The following LCLAT1 variants were observed in gnomAD, a reference collection of about 807,000 sequenced individuals.
LCLAT1 encodes 1-AGP acyltransferase 8.
A neutral mutation model predicts 30.7 loss-of-function variants in LCLAT1; 11 were observed. The ratio of observed to expected loss-of-function variants is 0.36; its 90% CI spans 0.23 to 0.59. The LOEUF (loss-of-function observed/expected upper bound fraction) is 0.59. Among genes scored for constraint, LCLAT1 ranks in the 20% least tolerant of loss-of-function variants. The probability of loss-of-function intolerance (pLI) is 0.77; values close to 1 mark genes in which losing one functional copy is unlikely to be tolerated. For missense variants in LCLAT1, 402 were observed against 458.6 expected (o/e 0.88, Z 1.13); for synonymous variants, 155 against 151.3 (o/e 1.02, Z -0.18).
In LCLAT1 at chr2:30,610,969, C is replaced by G. The variant is rs562203342; in HGVS notation, c.629-29148C>G. Among the ~76,000 whole-genome samples the G allele has an allele frequency of 2.6e-5, 4 of 151,500 alleles. No homozygotes were observed. The South Asian group carries it at 8.3e-4, about 32-fold the overall frequency. On this transcript the variant is annotated intron_variant, in intron 5 of 5. Transcript: ENST00000379509. The stretch of plus-strand genomic sequence containing the variant: ...TTAATGCTGGCTATGTAATAGATAC[C>G]AAACACTGAGTTTAATTTTGTTTTT...
At chr2:30,537,646 G>A (rs963444178) in intron 3 of LCLAT1, among the ~76,000 whole-genome samples, 1 of 151,988 alleles carries the variant, frequency 6.6e-6, no homozygotes, top group Admixed American at 6.6e-5. Flanking sequence ...GAGGACTTCA[G>A]CACCTCACTC....
intron 5 of LCLAT1, among the ~76,000 whole-genome samples, chr2:30,582,959 C>G (rs763074369): frequency 2.6e-5 from 4 of 152,196 alleles, no homozygotes; most frequent in Non-Finnish European, 4.4e-5. Context: ...AAAGGTCATC[C>G]TCTTTTATGA....
At chr2:30,462,394 C>A (rs1324545857) in intron 1 of LCLAT1, among the ~76,000 whole-genome samples, 2 of 152,152 alleles carry the variant, frequency 1.3e-5, no homozygotes, top group African/African-American at 4.8e-5. Context: ...TGATAAGATG[C>A]TTCTAGAGTT....
chr2:30,527,477 C>A (rs1685773395), intron 2 of LCLAT1, among the ~76,000 whole-genome samples: 1 of 152,154 alleles, frequency 6.6e-6, no homozygotes, highest in Non-Finnish European at 1.5e-5. Flanking sequence ...CTTGAGAGTT[C>A]TGAGAATTGG....
At chr2:30,520,695 G>C (rs917486028) in intron 1 of LCLAT1, among the ~76,000 whole-genome samples, 3 of 152,096 alleles carry the variant, frequency 2.0e-5, no homozygotes, top group Non-Finnish European at 4.4e-5. Flanking sequence ...TACATTTTAG[G>C]TGTTACTATA....
intron 1 of LCLAT1, among the ~76,000 whole-genome samples, chr2:30,517,661 CCTT>C (rs1192274808): frequency 6.6e-6 from 1 of 152,066 alleles, no homozygotes; most frequent in Non-Finnish European, 1.5e-5. Flanking sequence ...GAGCAAATGT[CCTT>C]CTGCTGTGTT....
intron 1 of LCLAT1, among the ~76,000 whole-genome samples, chr2:30,516,183 C>A (rs1685172642): frequency 6.6e-6 from 1 of 152,154 alleles, no homozygotes; most frequent in Non-Finnish European, 1.5e-5. Context: ...GGATATAAAC[C>A]TAGGTATTCG....
chr2:30,516,350 C>T (rs185830509), intron 1 of LCLAT1, among the ~76,000 whole-genome samples: 4 of 152,274 alleles, frequency 2.6e-5, no homozygotes, highest in African/African-American at 4.8e-5. Flanking sequence ...ACGTCGCCGT[C>T]GCAGACCCGC....
intron 3 of LCLAT1, among the ~76,000 whole-genome samples, chr2:30,543,101 A>T (rs1213441933): frequency 6.6e-6 from 1 of 151,842 alleles, no homozygotes; most frequent in Non-Finnish European, 1.5e-5. Context: ...CTAACTGTAG[A>T]TTTTTCACAG....
intron 5 of LCLAT1, among the ~76,000 whole-genome samples, chr2:30,604,931 C>T (rs1328806829): frequency 1.3e-5 from 2 of 152,194 alleles, no homozygotes; most frequent in Non-Finnish European, 2.9e-5. Context: ...AAAAAGGCTG[C>T]CTCAAGGCAT....
At chr2:30,598,941 C>A (rs565521793) in intron 5 of LCLAT1, among the ~76,000 whole-genome samples, 2 of 151,722 alleles carry the variant, frequency 1.3e-5, no homozygotes, top group Middle Eastern at 3.4e-3. Context: ...GTTCAATTTC[C>A]ATGTAGTTGT....
At chr2:30,450,669 A>G (rs973188558) in intron 1 of LCLAT1, among the ~76,000 whole-genome samples, 1 of 152,242 alleles carries the variant, frequency 6.6e-6, no homozygotes, top group Admixed American at 6.5e-5. Flanking sequence ...CATAACATGA[A>G]TGCAGTGCAA....
At chr2:30,583,539 A>T (rs1666296510) in intron 5 of LCLAT1, among the ~76,000 whole-genome samples, 1 of 152,194 alleles carries the variant, frequency 6.6e-6, no homozygotes, top group African/African-American at 2.4e-5. Context: ...GTCTGGCAAG[A>T]TAATGCTGAA....
At chr2:30,521,658 C>T (rs1018120528) in intron 1 of LCLAT1, among the ~76,000 whole-genome samples, 1 of 151,788 alleles carries the variant, frequency 6.6e-6, no homozygotes, top group African/African-American at 2.4e-5. Context: ...AGGCACGCGC[C>T]ACCATGCCCA....
intron 5 of LCLAT1, among the ~76,000 whole-genome samples, chr2:30,633,002 G>T (rs1301417967): frequency 2.6e-5 from 4 of 151,990 alleles, no homozygotes; most frequent in Admixed American, 1.3e-4. Flanking sequence ...AAGCTGAAAG[G>T]TATATTATTT....
At chr2:30,459,536 T>A in intron 1 of LCLAT1, 1 of 966,546 alleles carries the variant, frequency 1.0e-6, no homozygotes, top group South Asian at 1.3e-5. Context: ...TTTTCTCCCA[T>A]TTGTCCTGTT....
intron 1 of LCLAT1, chr2:30,447,654 G>C (rs1229279862): frequency 6.6e-6 from 1 of 151,980 alleles, no homozygotes; most frequent in Admixed American, 6.6e-5. Context: ...GGGGCCGCGC[G>C]AGCGGCGAGG....
Position 30,521,489 on chromosome 2 carries a change from C to CTTTTTTTTTTTTT in LCLAT1, c.-4-4096_-4-4095insTTTTTTTTTTTTT, listed in dbSNP as rs1262784785. Among the ~76,000 whole-genome samples the CTTTTTTTTTTTTT allele has an allele frequency of 4.9e-4, 27 of 55,548 alleles. 2 individuals carry two copies. The highest frequency in any genetic ancestry group is 6.1e-4 in the Non-Finnish European group (19 of 31,264). The allele number at this position is 55,548 out of a possible 152,430, so 36.4% of individuals were successfully genotyped here. On this transcript the variant is annotated intron_variant, in intron 1 of 5. Transcript: ENST00000379509. ...GTTTCCTCAACCCCCTAAACTACTTCTTCTTTTTTTTTTTTTTTTTTTTTT... is the reference window on the plus strand; with the variant it reads ...GTTTCCTCAACCCCCTAAACTACTTCTTTTTTTTTTTTTTTCTTTTTTTTTTTTTTTTTTTTTT...
intron 3 of LCLAT1, among the ~76,000 whole-genome samples, chr2:30,537,504 G>T (rs981684507): frequency 6.8e-6 from 1 of 146,298 alleles, no homozygotes; most frequent in Non-Finnish European, 1.5e-5. Flanking sequence ...TCAGCGAGAG[G>T]ATATAACAAT....
Sources: gnomAD v4.1 joint callset for allele counts (sites outside exome capture counted in the v4.1 genomes callset) on GRCh38, gnomAD v4.1.1 for gene constraint, MANE v1.5 for transcripts, NCBI Gene and HGNC (gene_info 2026-07-23, HGNC 2026-07-21) for gene names.